ACAP2: variants seen among roughly 807,000 people sequenced by gnomAD.
The protein encoded by ACAP2 is arf-GAP with coiled-coil, ANK repeat and PH domain-containing protein 2.
ACAP2 carries 39 observed loss-of-function variants against 115.8 expected under a neutral mutation model. The ratio of observed to expected loss-of-function variants is 0.34; its 90% CI spans 0.26 to 0.44. The LOEUF (loss-of-function observed/expected upper bound fraction) is 0.44. Ranked by LOEUF, ACAP2 falls within the 20% of genes least tolerant of loss-of-function variation. The pLI, the probability that ACAP2 is intolerant of heterozygous loss-of-function variation, is 1.00. For synonymous variants in ACAP2, 289 were observed against 315.8 expected, an observed-to-expected ratio of 0.92 and a Z score of 0.90; for missense variants, 662 against 927.6, an observed-to-expected ratio of 0.71 and a Z score of 3.72.
At chr3:195,363,676 C>T (rs1228018402) in intron 4 of ACAP2, among the ~76,000 whole-genome samples, 1 of 151,454 alleles carries the variant, frequency 6.6e-6, no homozygotes, top group African/African-American at 2.4e-5. Flanking sequence ...CTATCCTAAG[C>T]AAAAAGAACA....
At chr3:195,401,413 C>G (rs1472603201) in intron 1 of ACAP2, among the ~76,000 whole-genome samples, 2 of 152,118 alleles carry the variant, frequency 1.3e-5, no homozygotes, top group Admixed American at 6.5e-5. Context: ...GCCTGTAATC[C>G]CAGCATTTTG....
At chr3:195,408,787 A>G (rs1466915409) in intron 1 of ACAP2, among the ~76,000 whole-genome samples, 1 of 152,244 alleles carries the variant, frequency 6.6e-6, no homozygotes, top group Non-Finnish European at 1.5e-5. Context: ...ATGCAAGAAT[A>G]ATTCAACATA....
chr3:195,365,835 AT>A (rs2108710913), intron 4 of ACAP2, among the ~76,000 whole-genome samples: 1 of 145,936 alleles, frequency 6.9e-6, no homozygotes, highest in East Asian at 2.0e-4. Flanking sequence ...TCATCTGCCT[AT>A]AGTAATTTTT....
At chr3:195,329,434 A>G (rs1474017520) in intron 8 of ACAP2, among the ~76,000 whole-genome samples, 2 of 152,000 alleles carry the variant, frequency 1.3e-5, no homozygotes, top group African/African-American at 4.8e-5. Flanking sequence ...AGATCCCATC[A>G]CTTCTCTTTC....
chr3:195,355,281 C>T (rs1028477044), intron 4 of ACAP2, among the ~76,000 whole-genome samples: 1 of 126,850 alleles, frequency 7.9e-6, no homozygotes, highest in Admixed American at 8.1e-5. Context: ...TCTTTTTCTT[C>T]TTTTTTTTTT....
At chr3:195,374,073 T>C (rs1421535787) in intron 4 of ACAP2, among the ~76,000 whole-genome samples, 4 of 152,056 alleles carry the variant, frequency 2.6e-5, no homozygotes, top group African/African-American at 9.7e-5. Context: ...AACTTCGGTG[T>C]AAACCTGCAG....
intron 1 of ACAP2, among the ~76,000 whole-genome samples, chr3:195,398,780 G>A (rs1266777645): frequency 3.3e-5 from 5 of 152,002 alleles, no homozygotes; most frequent in South Asian, 2.1e-4. Flanking sequence ...CTGCTCCTAC[G>A]TGCTCAAATT....
At chr3:195,306,787 GA>G in intron 12 of ACAP2, 171 bp from the exon 13 acceptor site, 1 of 429,336 alleles carries the variant, frequency 2.3e-6, no homozygotes, top group Non-Finnish European at 4.0e-6. Flanking sequence ...GTATGTTAAC[GA>G]AGAAATTAAG....
At chr3:195,425,631 A>G (rs1714626326) in intron 1 of ACAP2, among the ~76,000 whole-genome samples, 1 of 152,196 alleles carries the variant, frequency 6.6e-6, no homozygotes, top group East Asian at 1.9e-4. Flanking sequence ...TAACAACTCT[A>G]CCTCAGTGTC....
intron 9 of ACAP2, among the ~76,000 whole-genome samples, chr3:195,321,860 G>C (rs1729478360): frequency 6.6e-6 from 1 of 152,124 alleles, no homozygotes; most frequent in East Asian, 1.9e-4. Context: ...TGATTCACCT[G>C]CCTCAGCCTC....
intron 5 of ACAP2, among the ~76,000 whole-genome samples, chr3:195,344,239 CAAAA>C (rs897425727): frequency 6.6e-6 from 1 of 151,798 alleles, no homozygotes; most frequent in East Asian, 1.9e-4. Flanking sequence ...AAGAAAAAAA[CAAAA>C]GAAAAGAAAC....
At chr3:195,438,522 A>G (rs571196774) in intron 1 of ACAP2, among the ~76,000 whole-genome samples, 1 of 152,302 alleles carries the variant, frequency 6.6e-6, no homozygotes, top group Non-Finnish European at 1.5e-5. Flanking sequence ...ATAGCAACAC[A>G]TAACTGAGGT....
chr3:195,324,640 G>A (rs550634042), intron 9 of ACAP2, among the ~76,000 whole-genome samples: 30 of 152,118 alleles, frequency 2.0e-4, no homozygotes, highest in Non-Finnish European at 8.8e-5. Flanking sequence ...TGTAATCCCA[G>A]CTACTTGGGA....
intron 1 of ACAP2, among the ~76,000 whole-genome samples, chr3:195,407,931 AAAG>A (rs902865833): frequency 4.6e-5 from 7 of 152,168 alleles, no homozygotes; most frequent in African/African-American, 1.7e-4. Flanking sequence ...TTTTTTTTAA[AAAG>A]AAGACTCAAA....
intron 1 of ACAP2, among the ~76,000 whole-genome samples, chr3:195,416,218 T>C (rs939756413): frequency 1.3e-5 from 2 of 151,944 alleles, no homozygotes; most frequent in African/African-American, 2.4e-5. Context: ...TGGTGGCACA[T>C]GCCTGTAGTC....
At chr3:195,435,467 C>CTT (rs905695153) in intron 1 of ACAP2, among the ~76,000 whole-genome samples, 1 of 148,076 alleles carries the variant, frequency 6.8e-6, no homozygotes, top group South Asian at 2.1e-4. Flanking sequence ...CACCCGGCCT[C>CTT]TTTTTTTTTT....
intron 10 of ACAP2, among the ~76,000 whole-genome samples, chr3:195,314,654 CTA>C (rs1728975002): frequency 6.6e-6 from 1 of 152,108 alleles, no homozygotes; most frequent in African/African-American, 2.4e-5. Context: ...GTGTGGTACC[CTA>C]TGGTGACTAA....
intron 10 of ACAP2, among the ~76,000 whole-genome samples, chr3:195,317,887 A>G (rs1729199010): frequency 6.8e-6 from 1 of 147,636 alleles, no homozygotes; most frequent in African/African-American, 2.7e-5. Flanking sequence ...AAGGGCAGGA[A>G]AAAAAAAAGA....
At chr3:195,418,288 A>G (rs895911910) in intron 1 of ACAP2, among the ~76,000 whole-genome samples, 3 of 152,328 alleles carry the variant, frequency 2.0e-5, no homozygotes, top group Admixed American at 6.5e-5. Context: ...CACTTAAATT[A>G]TATCACTTAC....
Sources: allele counts gnomAD v4.1 joint callset (sites outside exome capture counted in the v4.1 genomes callset), GRCh38; gene constraint gnomAD v4.1.1; transcripts MANE v1.5; gene names NCBI Gene and HGNC (gene_info 2026-07-23, HGNC 2026-07-21).